The following ROBO2 variants were observed in gnomAD, a reference collection of about 807,000 sequenced individuals.
The protein encoded by ROBO2 is roundabout guidance receptor 2, also known as roundabout homolog 2.
A neutral mutation model predicts 160.8 loss-of-function variants in ROBO2; 53 were observed. The observed-to-expected ratio is 0.33, with a 90% CI of 0.26 to 0.41. ROBO2 has a LOEUF of 0.41. Among genes scored for constraint, ROBO2 ranks in the 10% least tolerant of loss-of-function variants. ROBO2 has a pLI of 1.00. For synonymous variants in ROBO2, 664 were observed against 611.7 expected (o/e 1.09, Z -1.26); for missense variants, 1,577 against 1,722.4 (o/e 0.92, Z 1.49).
intron 2 of ROBO2, among the ~76,000 whole-genome samples, chr3:76,120,281 C>T (rs577791572): frequency 1.3e-5 from 2 of 152,056 alleles, no homozygotes; most frequent in Admixed American, 6.6e-5. Flanking sequence ...GGATTACAGG[C>T]GTGAGCCACC....
chr3:77,037,146 T>C (rs1011369927), upstream of ROBO2, among the ~76,000 whole-genome samples: 6 of 152,200 alleles, frequency 3.9e-5, no homozygotes, highest in African/African-American at 1.4e-4. Context: ...GCTAATTTAG[T>C]GTGAGATGTT....
Position 76,372,606 on chromosome 3 carries a change from A to T in ROBO2, c.109+435004A>T, listed in dbSNP as rs186100876. Reference sequence around the variant, plus strand: ...CGGGTTAGCTGATGAGAATAACTTCAAACATTGAGCATAGAAATTGAATCT... The same window carrying T: ...CGGGTTAGCTGATGAGAATAACTTCTAACATTGAGCATAGAAATTGAATCT... On this transcript the variant is annotated intron_variant, in intron 2 of 26. Transcript: ENST00000487694. 1.7e-3 allele frequency among the ~76,000 whole-genome samples: 254 copies of T among 152,072 alleles called. 1 individual carries two copies. The highest frequency in any genetic ancestry group is 5.9e-3 in the African/African-American group (245 of 41,536).
intron 2 of ROBO2, among the ~76,000 whole-genome samples, chr3:76,823,389 G>C (rs977922054): frequency 1.7e-4 from 26 of 152,068 alleles, no homozygotes; most frequent in African/African-American, 6.3e-4. Flanking sequence ...TTACAAAGTT[G>C]CCTTATTTTC....
chr3:77,615,397 G>T (rs760737311), intron 21 of ROBO2, among the ~76,000 whole-genome samples: 1 of 152,106 alleles, frequency 6.6e-6, no homozygotes, highest in Non-Finnish European at 1.5e-5. Flanking sequence ...GTGTTGCACA[G>T]TCTATGGATT....
intron 2 of ROBO2, among the ~76,000 whole-genome samples, chr3:76,139,724 T>C (rs2071560693): frequency 6.6e-6 from 1 of 152,040 alleles, no homozygotes; most frequent in African/African-American, 2.4e-5. Context: ...GTTATAAAAA[T>C]ATAAAGAGCC....
intron 2 of ROBO2, among the ~76,000 whole-genome samples, chr3:76,661,786 C>T (rs1393897299): frequency 6.6e-6 from 1 of 152,104 alleles, no homozygotes; most frequent in East Asian, 1.9e-4. Context: ...CTTCTTATCA[C>T]CTTAAAAGGT....
chr3:77,081,766 A>G (rs545922531), intron 1 of ROBO2, among the ~76,000 whole-genome samples: 2 of 152,328 alleles, frequency 1.3e-5, no homozygotes, highest in Non-Finnish European at 2.9e-5. Flanking sequence ...CTATATAGCT[A>G]TAAATGGAGA....
At position 76,099,155 on chromosome 3, in the gene ROBO2, T is replaced by G. The variant is rs1017445747; in HGVS notation, c.109+161553T>G. Among the ~76,000 whole-genome samples, 8 of 152,182 alleles carry G rather than the reference T, an allele frequency of 5.3e-5. No individual in the cohort carries two copies. In the East Asian group the frequency reaches 1.3e-3, roughly 26 times the overall value. ...GCAAGCCACTGAGAAAGTTAGTTAT[T>G]ACTGCAATTCCTTGGCAGCCAAGAC... On this transcript the variant is annotated intron_variant, in intron 2 of 26. Transcript: ENST00000487694.
intron 2 of ROBO2, among the ~76,000 whole-genome samples, chr3:76,393,320 A>T (rs1672317568): frequency 6.6e-6 from 1 of 152,166 alleles, no homozygotes; most frequent in African/African-American, 2.4e-5. Context: ...TCTACCTTAG[A>T]AGTCATACAA....
At chr3:76,067,884 A>G (rs2068311352) in intron 2 of ROBO2, among the ~76,000 whole-genome samples, 1 of 152,222 alleles carries the variant, frequency 6.6e-6, no homozygotes, top group African/African-American at 2.4e-5. Context: ...AGCATGTAAT[A>G]TGTGATAGAT....
intron 2 of ROBO2, among the ~76,000 whole-genome samples, chr3:76,223,719 AGGCTCTCACTCAG>A (rs1349725548): frequency 6.6e-6 from 1 of 152,138 alleles, no homozygotes; most frequent in Admixed American, 6.5e-5. Context: ...ACAGGAGATA[AGGCTCTCACTCAG>A]GGCACACTTA....
At chr3:76,739,775 AG>A (rs1338314262) in intron 2 of ROBO2, among the ~76,000 whole-genome samples, 1 of 152,210 alleles carries the variant, frequency 6.6e-6, no homozygotes, top group Non-Finnish European at 1.5e-5. Flanking sequence ...TGTAAAAAAA[AG>A]GATAGAATCC....
At chr3:76,568,265 A>T (rs962402866) in intron 2 of ROBO2, among the ~76,000 whole-genome samples, 1 of 151,878 alleles carries the variant, frequency 6.6e-6, no homozygotes, top group Admixed American at 6.6e-5. Flanking sequence ...TAGGAATATG[A>T]AATAATTCAC....
chr3:76,319,554 T>G (rs1328776822), intron 2 of ROBO2, among the ~76,000 whole-genome samples: 1 of 152,060 alleles, frequency 6.6e-6, no homozygotes, highest in East Asian at 1.9e-4. Flanking sequence ...TTGGTTCTAT[T>G]TTTGGGGAAA....
chr3:76,312,239 C>T (rs2071642100), intron 2 of ROBO2, among the ~76,000 whole-genome samples: 1 of 152,100 alleles, frequency 6.6e-6, no homozygotes, highest in African/African-American at 2.4e-5. Flanking sequence ...CAGAAGCATT[C>T]TTTTTACCTA....
At chr3:76,971,864 G>A (rs916311466) in intron 2 of ROBO2, among the ~76,000 whole-genome samples, 1 of 152,148 alleles carries the variant, frequency 6.6e-6, no homozygotes, top group African/African-American at 2.4e-5. Context: ...GAAGTGTGTG[G>A]CAAAGGGAAT....
chr3:76,087,624 A>T (rs1170070759), intron 2 of ROBO2, among the ~76,000 whole-genome samples: 1 of 152,052 alleles, frequency 6.6e-6, no homozygotes, highest in African/African-American at 2.4e-5. Context: ...TAAATCTTTT[A>T]TTTTTGTTAT....
At chr3:77,322,151 G>T (rs547098859) in intron 2 of ROBO2, among the ~76,000 whole-genome samples, 1 of 152,124 alleles carries the variant, frequency 6.6e-6, no homozygotes, top group Non-Finnish European at 1.5e-5. Context: ...GGCTCCACAC[G>T]TGACTATGAA....
chr3:75,934,642 A>C (rs1161030551), intron 1 of ROBO2, among the ~76,000 whole-genome samples: 3 of 152,194 alleles, frequency 2.0e-5, no homozygotes, highest in African/African-American at 7.2e-5. Flanking sequence ...GCATTTATGA[A>C]ATATTAGTTT....
Sources: gnomAD v4.1 joint callset for allele counts (sites outside exome capture counted in the v4.1 genomes callset) on GRCh38, gnomAD v4.1.1 for gene constraint, MANE v1.5 for transcripts, NCBI Gene and HGNC (gene_info 2026-07-23, HGNC 2026-07-21) for gene names.